The following CERS3 variants were observed in gnomAD, a reference collection of about 807,000 sequenced individuals.
CERS3 encodes LAG1 homolog, ceramide synthase 3.
CERS3 carries 33 observed loss-of-function variants against 50.3 expected under a neutral mutation model. The observed-to-expected ratio is 0.66, with a 90% CI of 0.50 to 0.88. CERS3 has a LOEUF of 0.88. Among genes scored for constraint, CERS3 ranks in the 40% least tolerant of loss-of-function variants. The probability of loss-of-function intolerance (pLI) is 0.00; values close to 1 mark genes in which losing one functional copy is unlikely to be tolerated. For synonymous variants in CERS3, 176 were observed against 155.2 expected (o/e 1.13, Z -0.99); for missense variants, 470 against 460.3 (o/e 1.02, Z -0.19).
intron 4 of CERS3, among the ~76,000 whole-genome samples, chr15:100,489,337 A>G (rs1486983276): frequency 6.6e-6 from 1 of 152,198 alleles, no homozygotes; most frequent in African/African-American, 2.4e-5. Context: ...CTGGGCCTTA[A>G]GTTTCCTCAT....
chr15:100,436,045 T>C (rs1449049595), intron 11 of CERS3, among the ~76,000 whole-genome samples: 1 of 152,192 alleles, frequency 6.6e-6, no homozygotes, highest in Non-Finnish European at 1.5e-5. Context: ...AGTTCAACCA[T>C]TGTGGAAGAC....
upstream of CERS3, among the ~76,000 whole-genome samples, chr15:100,531,760 C>T (rs1272723856): frequency 1.3e-5 from 2 of 152,128 alleles, no homozygotes; most frequent in Non-Finnish European, 2.9e-5. Flanking sequence ...TATGAGAAAA[C>T]GGAAGCAGTG....
In CERS3 at chr15:100,436,761, AAAAG is replaced by A. The variant is rs142915966; in HGVS notation, c.999+19128_999+19131del. On this transcript the variant is annotated intron_variant, in intron 11 of 11. Coordinates refer to ENST00000679737, the MANE Select transcript of CERS3 (RefSeq NM_001378789.1). ...TATAGGGGATTCTAAAAGTACAAAA[AAAAG>A]AGATTGTTTTACTTATTTAAACATC... Among the ~76,000 whole-genome samples, 342 of 152,288 alleles carry A rather than the reference AAAAG, an allele frequency of 2.2e-3. 5 individuals are homozygous for A. Among genetic ancestry groups the A allele is most frequent in the African/African-American group, 7.7e-3 (318 of 41,566 alleles).
At chr15:100,469,287 G>T in intron 10 of CERS3, 91 bp downstream of exon 10, 3 of 842,512 alleles carry the variant, frequency 3.6e-6, no homozygotes, top group Non-Finnish European at 5.9e-6. Context: ...GGAGACCCAC[G>T]TATGGAAAGG....
chr15:100,451,623 C>T (rs78310225), intron 11 of CERS3, among the ~76,000 whole-genome samples: 4,000 of 152,154 alleles, frequency 0.026, 193 homozygotes, highest in African/African-American at 0.091. Flanking sequence ...GGGAGAATGG[C>T]GTGAACCTGG....
intron 4 of CERS3, among the ~76,000 whole-genome samples, chr15:100,487,722 C>T (rs184002114): frequency 2.3e-4 from 35 of 152,308 alleles, no homozygotes; most frequent in Admixed American, 1.9e-3. Flanking sequence ...AGTCACCCTA[C>T]CTCTTTGGCT....
chr15:100,544,521 C>CTCT (rs1300920408), intron 1 of CERS3: 1 of 141,068 alleles, frequency 7.1e-6, no homozygotes, highest in East Asian at 2.0e-4. Flanking sequence ...GGACGAGGAC[C>CTCT]CTCGGCCGGG....
intron 2 of CERS3, among the ~76,000 whole-genome samples, chr15:100,510,757 G>C (rs1018706114): frequency 6.6e-6 from 1 of 152,176 alleles, no homozygotes; most frequent in East Asian, 1.9e-4. Context: ...GACAGGACAG[G>C]AGCGATTTTT....
chr15:100,484,929 A>T (rs1366412570), intron 4 of CERS3, among the ~76,000 whole-genome samples: 1 of 152,208 alleles, frequency 6.6e-6, no homozygotes, highest in Non-Finnish European at 1.5e-5. Flanking sequence ...GCAACCCGGC[A>T]TTCAAGTTGC....
At chr15:100,434,832 C>T (rs1002348752) in intron 11 of CERS3, among the ~76,000 whole-genome samples, 84 of 152,232 alleles carry the variant, frequency 5.5e-4, no homozygotes, top group Admixed American at 3.1e-3. Context: ...GTCTGTTTCT[C>T]TACTAATAAA....
chr15:100,492,527 T>A (rs1293414426), intron 3 of CERS3, among the ~76,000 whole-genome samples: 1 of 152,194 alleles, frequency 6.6e-6, no homozygotes, highest in East Asian at 1.9e-4. Context: ...GCTACTCCAG[T>A]CCTCTTTTAG....
rs1238276046 is a variant in CERS3, at chr15:100,469,428, G to A, written c.795C>T (p.Phe265=). Residue 265 remains phenylalanine, a synonymous_variant, in exon 10 of 12, where the codon TTC becomes TTT. Transcript: ENST00000679737. ...GWTQTCNTLF[F]IFSTIFFISR... ...TGATGAAAAATATGGTGGAGAAGAT[G>A]AAAAACAGGGTGTTACAGGTCTGCG... 6.2e-7 allele frequency: 1 copy of A among 1,614,046 alleles called. No individual in the cohort carries two copies. The highest frequency in any genetic ancestry group is 1.1e-5 in the South Asian group (1 of 91,076).
chr15:100,512,761 G>T (rs1313383766), intron 2 of CERS3, among the ~76,000 whole-genome samples: 2 of 152,094 alleles, frequency 1.3e-5, no homozygotes, highest in East Asian at 1.9e-4. Flanking sequence ...AAGGCTGAGG[G>T]TATTCTGAGC....
At chr15:100,465,948 C>G (rs553550237) in intron 10 of CERS3, among the ~76,000 whole-genome samples, 8 of 152,166 alleles carry the variant, frequency 5.3e-5, no homozygotes, top group African/African-American at 1.9e-4. Context: ...CGTGAGCTAC[C>G]GTGCCTGGCC....
chr15:100,494,660 G>A (rs1847321), intron 3 of CERS3, among the ~76,000 whole-genome samples: 141,677 of 152,276 alleles, frequency 0.93, 65,986 homozygotes, highest in East Asian at 0.99. Flanking sequence ...CTTAGAACCA[G>A]TAAGTCTCTC....
intron 10 of CERS3, among the ~76,000 whole-genome samples, chr15:100,461,656 A>C (rs1307812753): frequency 6.6e-6 from 1 of 152,204 alleles, no homozygotes; most frequent in Admixed American, 6.5e-5. Flanking sequence ...TACTGCAGAG[A>C]ACTTACACCA....
intron 11 of CERS3, among the ~76,000 whole-genome samples, chr15:100,427,263 C>T (rs538753496): frequency 1.3e-5 from 2 of 152,108 alleles, no homozygotes; most frequent in African/African-American, 2.4e-5. Context: ...CTCGGAGGAG[C>T]GAAAGTGCTA....
At chr15:100,447,092 G>C (rs2033972349) in intron 11 of CERS3, among the ~76,000 whole-genome samples, 1 of 152,182 alleles carries the variant, frequency 6.6e-6, no homozygotes, top group Non-Finnish European at 1.5e-5. Flanking sequence ...ACATTTTGCG[G>C]AGAATCACCT....
At chr15:100,531,506 T>A (rs932718618), upstream of CERS3, among the ~76,000 whole-genome samples, 2 of 152,192 alleles carry the variant, frequency 1.3e-5, no homozygotes, top group African/African-American at 4.8e-5. Flanking sequence ...CCACAGCTCC[T>A]CTGAGGAAAA....
Sources: allele counts gnomAD v4.1 joint callset (sites outside exome capture counted in the v4.1 genomes callset), GRCh38; gene constraint gnomAD v4.1.1; transcripts MANE v1.5; gene names NCBI Gene and HGNC (gene_info 2026-07-23, HGNC 2026-07-21).